The following MAP3K21 variants were observed in gnomAD, a reference collection of about 807,000 sequenced individuals.
MAP3K21 encodes mitogen-activated protein kinase kinase kinase 21, also known as mitogen-activated protein kinase kinase kinase MLK4.
MAP3K21 carries 63 observed loss-of-function variants against 86.1 expected under a neutral mutation model. That is an observed-to-expected ratio of 0.73 (90% CI 0.60 to 0.90). MAP3K21 has a LOEUF of 0.90. Ranked by LOEUF, MAP3K21 falls within the 40% of genes least tolerant of loss-of-function variation. MAP3K21 has a pLI of 0.00. For missense variants in MAP3K21, 1,220 were observed against 1,367.7 expected, an observed-to-expected ratio of 0.89 and a Z score of 1.70; for synonymous variants, 558 against 564.8, an observed-to-expected ratio of 0.99 and a Z score of 0.17.
At chr1:233,380,330 C>T (rs1350419500) in intron 9 of MAP3K21, among the ~76,000 whole-genome samples, 3 of 152,226 alleles carry the variant, frequency 2.0e-5, no homozygotes, top group East Asian at 3.8e-4. Flanking sequence ...ACAGTCTTCA[C>T]TCTGAGTGCA....
intron 5 of MAP3K21, among the ~76,000 whole-genome samples, chr1:233,363,731 G>C (rs1663513407): frequency 1.3e-5 from 2 of 150,916 alleles, no homozygotes; most frequent in Admixed American, 6.6e-5. Context: ...AGAAGGCTGG[G>C]CATGGTGGCT....
rs142524878 is a variant in MAP3K21 at position 233,337,057 on chromosome 1, A to G, written c.805+8224A>G. Among the ~76,000 whole-genome samples, 909 of 152,312 alleles carry G rather than the reference A, an allele frequency of 6.0e-3. 20 individuals carry two copies. In the East Asian group the frequency reaches 0.063, roughly 11 times the overall value. ...GTAGGTTTGAGCTCTGTCTGACTCC[A>G]CTAGCTTTTTGAATAGGGTGACGTG... is the stretch of plus-strand genomic sequence containing the variant. On this transcript the variant is annotated intron_variant, in intron 1 of 9. Transcript: ENST00000366624.
In MAP3K21 at chr1:233,358,476, T is replaced by TTTTG. The variant is rs1553338883; in HGVS notation, c.1311+3468_1311+3469insGTTT. On this transcript the variant is annotated intron_variant, in intron 4 of 9. Coordinates refer to ENST00000366624, the MANE Select transcript of MAP3K21 (RefSeq NM_032435.3). ...GATACAGGAAAGACTCTAATTTGTT[T>TTTTG]TTTTTTTTTTTAACACTTCCCCAAA... 1.2e-3 allele frequency among the ~76,000 whole-genome samples: 178 copies of TTTTG among 148,172 alleles called. 4 individuals carry two copies. The South Asian group carries it at 0.016, about 13-fold the overall frequency.
At position 233,379,302 on chromosome 1, in the gene MAP3K21, C is replaced by A. The variant is rs151314713; in HGVS notation, c.2296C>A (p.Arg766=). Residue 766 remains arginine (R), a synonymous_variant, in exon 9 of 10, where the codon CGG becomes AGG. Coordinates refer to ENST00000366624, the MANE Select transcript of MAP3K21 (RefSeq NM_032435.3). ...EKKKREGIFQ[R]ASKSRRSASP... ...GAAGAAACGAGAGGGAATCTTCCAG[C>A]GGGCTTCCAAGTCCCGCAGAAGCGC... The A allele has an allele frequency of 5.6e-6, 9 of 1,614,222 alleles. No homozygotes were observed. Among genetic ancestry groups the A allele is most frequent in the Non-Finnish European group, 6.8e-6 (8 of 1,180,044 alleles).
chr1:233,345,287 C>G (rs151335064), intron 1 of MAP3K21, among the ~76,000 whole-genome samples: 2,109 of 152,200 alleles, frequency 0.014, 52 homozygotes, highest in African/African-American at 0.047. Context: ...GCACACGTAT[C>G]TTTATTGCAG....
rs1663479611 is a variant in MAP3K21, at chr1:233,362,266, G to C, written c.1525G>C (p.Asp509His). Residue 509 changes from aspartate to histidine, a missense_variant, in exon 5 of 10, where the codon GAT becomes CAT. Asp to His is a moderately conservative substitution (Grantham distance 81). Coordinates refer to ENST00000366624, the MANE Select transcript of MAP3K21 (RefSeq NM_032435.3). ...TAAGAGAAGTCGTTTAAAGCTCAAAGATGGACATCGAATCAGTTTACCTTC... is the reference window on the plus strand; with the variant it reads ...TAAGAGAAGTCGTTTAAAGCTCAAACATGGACATCGAATCAGTTTACCTTC... ...KFKRSRLKLK[D>H]GHRISLPSDF... The C allele has an allele frequency of 6.2e-7, 1 of 1,614,104 alleles. No homozygotes were observed. The highest frequency in any genetic ancestry group is 8.5e-7 in the Non-Finnish European group (1 of 1,180,040).
At chr1:233,334,024 A>G (rs578055211) in intron 1 of MAP3K21, among the ~76,000 whole-genome samples, 5 of 152,046 alleles carry the variant, frequency 3.3e-5, no homozygotes, top group Admixed American at 1.3e-4. Context: ...CACCACGCCC[A>G]GCTAATTTTT....
At chr1:233,340,354 A>T (rs923880425) in intron 1 of MAP3K21, among the ~76,000 whole-genome samples, 9 of 152,158 alleles carry the variant, frequency 5.9e-5, no homozygotes, top group African/African-American at 2.2e-4. Flanking sequence ...GCGGAAGAGG[A>T]AGGCATTCCA....
At chr1:233,374,723 A>G (rs1663755037) in intron 6 of MAP3K21, among the ~76,000 whole-genome samples, 1 of 140,920 alleles carries the variant, frequency 7.1e-6, no homozygotes, top group Non-Finnish European at 1.5e-5. Flanking sequence ...ATATACAGGC[A>G]TCTATAAACA....
At chr1:233,361,913 G>T in intron 4 of MAP3K21, 140 bp from the exon 5 acceptor site, 1 of 1,071,304 alleles carries the variant, frequency 9.3e-7, no homozygotes. Flanking sequence ...ACCAGGGCTT[G>T]AGCAGAGGAA....
chr1:233,354,279 A>G lies in MAP3K21; in HGVS notation c.1135+324A>G, dbSNP rs115411088. ...ATTGGCTCCAAATCTGCTATTTTAA[A>G]TTTGAATTAGTGATCAGAAATGCCT... On this transcript the variant is annotated intron_variant, in intron 3 of 9. Coordinates refer to ENST00000366624, the MANE Select transcript of MAP3K21 (RefSeq NM_032435.3). Among the ~76,000 whole-genome samples the G allele has an allele frequency of 4.8e-3, 725 of 152,294 alleles. 3 individuals are homozygous for G. Among genetic ancestry groups the G allele is most frequent in the African/African-American group, 0.016 (681 of 41,570 alleles).
At position 233,339,314 on chromosome 1, in the gene MAP3K21, T is replaced by C. The variant is rs866176518; in HGVS notation, c.806-7128T>C. On this transcript the variant is annotated intron_variant, in intron 1 of 9. Transcript: ENST00000366624. ...TTCCTCTTCTTCTTCCTCTTCTTCT[T>C]CCTCTTCTTCTTCTTCCTCTTCTTC... Among the ~76,000 whole-genome samples the C allele has an allele frequency of 2.2e-3, 273 of 126,750 alleles. 25 individuals carry two copies. The highest frequency in any genetic ancestry group is 3.3e-3 in the South Asian group (13 of 3,968). 83.2% of individuals were successfully genotyped at this position (126,750 alleles called of 152,430 possible). A position where few individuals can be genotyped will look rare whatever the true frequency, so the allele number is the denominator to read the frequency against.
chr1:233,354,863 G>A lies in MAP3K21; in HGVS notation c.1163G>A (p.Arg388His), dbSNP rs1337791410. 4.3e-6 allele frequency: 7 copies of A among 1,613,762 alleles called. No individual in the cohort carries two copies. Among genetic ancestry groups the A allele is most frequent in the South Asian group, 3.3e-5 (3 of 91,042 alleles). Residue 388 changes from arginine to histidine, a missense_variant, in exon 4 of 10, where the codon CGT becomes CAT. By Grantham distance (29) the Arg-to-His change is conservative (BLOSUM62 0). Transcript: ENST00000366624. ...KECWQQDPHI[R>H]PSFALILEQL... Reference sequence around the variant, plus strand: ...TGCTGGCAACAAGACCCTCATATTCGTCCATCGTTTGCCTTAATTCTCGAA... The same window carrying A: ...TGCTGGCAACAAGACCCTCATATTCATCCATCGTTTGCCTTAATTCTCGAA...
Position 233,328,397 on chromosome 1 carries a change from G to C in MAP3K21, c.369G>C (p.Arg123=). ...PSSPVHVAFE[R]LELKELIGAG... is the part of the protein sequence containing the mutation. The stretch of plus-strand genomic sequence containing the variant: ...CCCCGGTACACGTCGCCTTCGAGCG[G>C]CTGGAGCTGAAGGAGCTCATCGGCG... The change falls in exon 1 of 10, where the codon CGG becomes CGC. Residue 123 remains arginine, a synonymous_variant. Coordinates refer to ENST00000366624, the MANE Select transcript of MAP3K21 (RefSeq NM_032435.3). This position sits in a 1 kb window ranked among gnomAD's most constrained non-coding sequence, Gnocchi z 8.7. 1 of 1,489,196 alleles carries C rather than the reference G, an allele frequency of 6.7e-7. No homozygotes were observed. The highest frequency in any genetic ancestry group is 8.9e-7 in the Non-Finnish European group (1 of 1,127,274). The allele number at this position is 1,489,196 out of a possible 1,614,324, so 92.2% of individuals were successfully genotyped here.
chr1:233,352,701 G>T (rs1663272349), intron 2 of MAP3K21, among the ~76,000 whole-genome samples: 1 of 152,104 alleles, frequency 6.6e-6, no homozygotes, highest in Non-Finnish European at 1.5e-5. Context: ...AAGGTGCTGG[G>T]ATTACAGGTG....
chr1:233,363,879 G>A (rs368569205), intron 5 of MAP3K21, among the ~76,000 whole-genome samples: 101 of 139,676 alleles, frequency 7.2e-4, no homozygotes, highest in African/African-American at 2.5e-3. Flanking sequence ...CTGGGCACGG[G>A]GGCGGGTGCC....
intron 8 of MAP3K21, among the ~76,000 whole-genome samples, chr1:233,378,618 C>T (rs1388557739): frequency 2.6e-5 from 4 of 152,132 alleles, no homozygotes; most frequent in East Asian, 1.9e-4. Flanking sequence ...TATGGTTGTG[C>T]GTTTTTGTGT....
In MAP3K21 at chr1:233,334,356, T is replaced by C. The variant is rs1222729656; in HGVS notation, c.805+5523T>C. On this transcript the variant is annotated intron_variant, in intron 1 of 9. Coordinates refer to ENST00000366624, the MANE Select transcript of MAP3K21 (RefSeq NM_032435.3). ...TCAGATCTGGATTTGAATATCAGTG[T>C]CCTCATTTACTAGCTGTGTGACCTT... 2.0e-5 allele frequency among the ~76,000 whole-genome samples: 3 copies of C among 152,112 alleles called. No individual in the cohort carries two copies. The East Asian group carries it at 5.8e-4, about 29-fold the overall frequency.
Position 233,346,557 on chromosome 1 carries a change from C to T in MAP3K21, c.921C>T (p.Thr307=), listed in dbSNP as rs1397206674. 1 of 1,613,816 alleles carries T rather than the reference C, an allele frequency of 6.2e-7. No individual in the cohort carries two copies. The highest frequency in any genetic ancestry group is 1.1e-5 in the South Asian group (1 of 91,076). ...CCACCAAAATGAGCACAGCAGGCAC[C>T]TATGCCTGGATGGCCCCCGAAGTGA... is the stretch of plus-strand genomic sequence containing the variant. ...HRTTKMSTAG[T]YAWMAPEVIK... is the part of the protein sequence containing the mutation. The change falls in exon 2 of 10, where the codon ACC becomes ACT. Residue 307 remains threonine (T), a synonymous_variant. Transcript: ENST00000366624.
Sources: gnomAD v4.1 joint callset for allele counts (sites outside exome capture counted in the v4.1 genomes callset) on GRCh38, gnomAD v4.1.1 for gene constraint, Gnocchi (gnomAD v3.1) non-coding constraint, MANE v1.5 for transcripts, NCBI Gene and HGNC (gene_info 2026-07-23, HGNC 2026-07-21) for gene names.